Variants in FSTL5 observed in about 807,000 individuals in gnomAD.
FSTL5 encodes the protein follistatin like 5, also known as follistatin-related protein 5.
A neutral mutation model predicts 89.1 loss-of-function variants in FSTL5; 62 were observed. That is an observed-to-expected ratio of 0.70 (90% CI 0.57 to 0.86). The LOEUF is 0.86. Among genes scored for constraint, FSTL5 ranks in the 40% least tolerant of loss-of-function variants. The probability of loss-of-function intolerance (pLI) is 0.00; values close to 1 mark genes in which losing one functional copy is unlikely to be tolerated. For missense variants in FSTL5, 1,057 were observed against 1,001.6 expected (o/e 1.06, Z -0.75); for synonymous variants, 383 against 346.2 (o/e 1.11, Z -1.18).
At chr4:161,451,971 A>G (rs1733180629) in intron 15 of FSTL5, among the ~76,000 whole-genome samples, 1 of 152,236 alleles carries the variant, frequency 6.6e-6, no homozygotes, top group African/African-American at 2.4e-5. Context: ...AAATAAGTGT[A>G]CCAGCATGAG....
At chr4:161,621,798 A>G (rs1401524303) in intron 7 of FSTL5, among the ~76,000 whole-genome samples, 1 of 148,844 alleles carries the variant, frequency 6.7e-6, no homozygotes, top group East Asian at 2.0e-4. Flanking sequence ...CCTGACCAAC[A>G]TGATGAGACC....
chr4:161,530,411 A>C, intron 10 of FSTL5, among the ~76,000 whole-genome samples: 1 of 121,510 alleles, frequency 8.2e-6, no homozygotes, highest in Middle Eastern at 5.7e-3. Flanking sequence ...TATATAATTT[A>C]TTTACGCAAA....
At chr4:162,028,799 A>G (rs1356365983) in intron 3 of FSTL5, among the ~76,000 whole-genome samples, 1 of 152,172 alleles carries the variant, frequency 6.6e-6, no homozygotes, top group African/African-American at 2.4e-5. Flanking sequence ...TAATCAGTCA[A>G]TGTAATATAG....
Position 161,571,644 on chromosome 4 carries a change from T to C in FSTL5, c.1015+15811A>G, listed in dbSNP as rs138963873. Among the ~76,000 whole-genome samples the C allele has an allele frequency of 5.1e-4, 78 of 152,264 alleles. 1 individual carries two copies. The highest frequency in any genetic ancestry group is 9.6e-4 in the Non-Finnish European group (65 of 68,024). ...GAGGAAATAATACATTATCGACCTC[T>C]TGGTGAGGTATATGTCAGCAGGATC... is the stretch of plus-strand genomic sequence containing the variant. On this transcript the variant is annotated intron_variant, in intron 8 of 15. Transcript: ENST00000306100.
chr4:161,576,784 A>G (rs1733223962), intron 8 of FSTL5, among the ~76,000 whole-genome samples: 2 of 152,246 alleles, frequency 1.3e-5, no homozygotes, highest in African/African-American at 4.8e-5. Flanking sequence ...ATGAAAAACA[A>G]TAATTACCTT....
chr4:162,043,424 A>C (rs1738048263), intron 2 of FSTL5: 1 of 152,164 alleles, frequency 6.6e-6, no homozygotes, highest in South Asian at 2.1e-4. Flanking sequence ...TACTTTAATC[A>C]AAAGTACTTT....
chr4:161,787,479 G>A (rs191419640), intron 4 of FSTL5, among the ~76,000 whole-genome samples: 12 of 152,216 alleles, frequency 7.9e-5, no homozygotes, highest in African/African-American at 2.9e-4. Context: ...TACTTAAAAA[G>A]AGGCTGCTGA....
chr4:161,582,118 G>A (rs1372098255), intron 8 of FSTL5, among the ~76,000 whole-genome samples: 1 of 152,156 alleles, frequency 6.6e-6, no homozygotes, highest in East Asian at 1.9e-4. Context: ...TTTGGCTTAT[G>A]CTCTAGGATA....
rs900623976 is a variant in FSTL5 at position 162,081,947 on chromosome 4, G to T, written c.126+29324C>A. Among the ~76,000 whole-genome samples the T allele has an allele frequency of 3.3e-5, 5 of 151,620 alleles. No homozygotes were observed. The South Asian group carries it at 1.0e-3, about 31-fold the overall frequency. ...AAACATCTTAAACAAGTGACCAATG[G>T]ATTCTTCAAAAATGTCTAGAACACA... On this transcript the variant is annotated intron_variant, in intron 2 of 15. Coordinates refer to ENST00000306100, the MANE Select transcript of FSTL5 (RefSeq NM_020116.5).
intron 15 of FSTL5, among the ~76,000 whole-genome samples, chr4:161,409,481 A>C (rs1221227370): frequency 6.6e-6 from 1 of 151,950 alleles, no homozygotes; most frequent in African/African-American, 2.4e-5. Context: ...TCCCAGGTTC[A>C]AGCTATTCTC....
At chr4:161,522,892 T>C (rs1025543955) in intron 10 of FSTL5, among the ~76,000 whole-genome samples, 5 of 151,878 alleles carry the variant, frequency 3.3e-5, no homozygotes, top group African/African-American at 1.2e-4. Context: ...AATAGTCCTA[T>C]ATCTAGAATA....
chr4:161,442,644 A>C (rs977507371), intron 15 of FSTL5, among the ~76,000 whole-genome samples: 1 of 152,088 alleles, frequency 6.6e-6, no homozygotes, highest in African/African-American at 2.4e-5. Flanking sequence ...ATTATTTTTC[A>C]ATGAAAATTC....
At chr4:161,503,889 C>G (rs1392017025) in intron 11 of FSTL5, among the ~76,000 whole-genome samples, 1 of 151,346 alleles carries the variant, frequency 6.6e-6, no homozygotes, top group South Asian at 2.1e-4. Context: ...TTGGGCCAAG[C>G]CCAAACTGTT....
intron 15 of FSTL5, among the ~76,000 whole-genome samples, chr4:161,453,511 A>G (rs1030510943): frequency 1.3e-5 from 2 of 152,194 alleles, no homozygotes; most frequent in Non-Finnish European, 2.9e-5. Context: ...CTGAGCTATT[A>G]CAATCAGAAC....
At chr4:162,048,370 C>T (rs1339771894) in intron 2 of FSTL5, among the ~76,000 whole-genome samples, 1 of 151,732 alleles carries the variant, frequency 6.6e-6, no homozygotes, top group African/African-American at 2.4e-5. Context: ...ACACCTATTC[C>T]CTTGAAAAAC....
intron 3 of FSTL5, among the ~76,000 whole-genome samples, chr4:161,981,234 C>G (rs893512325): frequency 6.6e-6 from 1 of 152,152 alleles, no homozygotes; most frequent in African/African-American, 2.4e-5. Flanking sequence ...AACACAGGTA[C>G]AAAATCCTAG....
intron 1 of FSTL5, among the ~76,000 whole-genome samples, chr4:162,120,735 GCATAGTATTTTAAAAAATACTAC>G (rs1400121808): frequency 6.6e-6 from 1 of 151,896 alleles, no homozygotes; most frequent in Non-Finnish European, 1.5e-5. Context: ...CTTATTCCTA[GCATAGTATTTTAAAAAATACTAC>G]AGCATACCTG....
At chr4:161,426,974 C>A (rs993917480) in intron 15 of FSTL5, among the ~76,000 whole-genome samples, 3 of 151,376 alleles carry the variant, frequency 2.0e-5, no homozygotes, top group Non-Finnish European at 4.4e-5. Flanking sequence ...AATTGTTGAG[C>A]TTAAAATGTA....
At chr4:161,779,759 TTATATATATATATATGTATATA>T (rs1741555600) in intron 4 of FSTL5, among the ~76,000 whole-genome samples, 1 of 31,184 alleles carries the variant, frequency 3.2e-5, no homozygotes, top group African/African-American at 2.1e-4. Flanking sequence ...ATTTGTAAAG[TTATATATATATATATGTATATA>T]TATATATATA....
Sources: allele counts gnomAD v4.1 joint callset (sites outside exome capture counted in the v4.1 genomes callset), GRCh38; gene constraint gnomAD v4.1.1; transcripts MANE v1.5; gene names NCBI Gene and HGNC (gene_info 2026-07-23, HGNC 2026-07-21).